SOS1: variants seen among roughly 807,000 people sequenced by gnomAD.
SOS1 encodes the protein son of sevenless homolog 1.
In SOS1, 25 loss-of-function variants were observed where a neutral mutation model predicts 157.6. The ratio of observed to expected loss-of-function variants is 0.16; its 90% CI spans 0.12 to 0.22. The LOEUF (loss-of-function observed/expected upper bound fraction) is 0.22. Ranked by LOEUF, SOS1 falls within the 10% of genes least tolerant of loss-of-function variation. The probability of loss-of-function intolerance (pLI) is 1.00; values close to 1 mark genes in which losing one functional copy is unlikely to be tolerated. For synonymous variants in SOS1, 528 were observed against 534.0 expected (o/e 0.99, Z 0.16); for missense variants, 1,237 against 1,599.1 (o/e 0.77, Z 3.86).
chr2:39,120,980 G>GCCGCCGCCGCCA lies in SOS1; in HGVS notation c.-570_-559dup, dbSNP rs1253841842. 44 of 175,918 alleles carry GCCGCCGCCGCCA rather than the reference G, an allele frequency of 2.5e-4. 1 individual carries two copies. The highest frequency in any genetic ancestry group is 5.8e-4 in the Admixed American group (9 of 15,540). 10.9% of individuals were successfully genotyped at this position (175,918 alleles called of 1,614,324 possible). ...CTGGCTGCCCTGAGGTGCCGCCGCG[G>GCCGCCGCCGCCA]CCGCCGCCGCCACCGCCGCCGCCGG... On this transcript the variant is annotated 5_prime_UTR_variant, in exon 1 of 23. Transcript: ENST00000402219.
intron 10 of SOS1, among the ~76,000 whole-genome samples, chr2:39,017,833 C>A (rs1350217726): frequency 6.6e-6 from 1 of 151,836 alleles, no homozygotes; most frequent in Non-Finnish European, 1.5e-5. Flanking sequence ...ATTTTTATTT[C>A]TATTGGATTG....
At chr2:39,021,542 A>T (rs61521176) in intron 10 of SOS1, among the ~76,000 whole-genome samples, 10,502 of 150,292 alleles carry the variant, frequency 0.07, 1,282 homozygotes, top group African/African-American at 0.24. Context: ...AAAAAAAAAA[A>T]AAAAATTAAA....
chr2:39,063,619 T>C (rs2124619935), intron 2 of SOS1, among the ~76,000 whole-genome samples: 1 of 152,286 alleles, frequency 6.6e-6, no homozygotes, highest in African/African-American at 2.4e-5. Context: ...GTAGTACAAT[T>C]TATCAAAACT....
intron 10 of SOS1, among the ~76,000 whole-genome samples, chr2:39,022,128 A>G (rs1669817195): frequency 6.6e-6 from 1 of 151,766 alleles, no homozygotes; most frequent in South Asian, 2.1e-4. Flanking sequence ...CAGGTTTAGG[A>G]GTGGAAACTG....
At chr2:39,036,763 G>A (rs960177859) in intron 6 of SOS1, among the ~76,000 whole-genome samples, 12 of 151,830 alleles carry the variant, frequency 7.9e-5, no homozygotes, top group African/African-American at 2.9e-4. Flanking sequence ...TTTTAGTAGA[G>A]ACAGGGTTTC....
At chr2:39,029,651 C>T (rs1670088845) in intron 8 of SOS1, among the ~76,000 whole-genome samples, 1 of 151,552 alleles carries the variant, frequency 6.6e-6, no homozygotes, top group Admixed American at 6.6e-5. Flanking sequence ...AAAAACAAAA[C>T]CCCAAACACC....
rs888012069 is a variant in SOS1, at chr2:38,982,095, G to C, written c.*3729C>G. 1.3e-5 allele frequency: 2 copies of C among 152,132 alleles called. No individual in the cohort carries two copies. Among genetic ancestry groups the C allele is most frequent in the Non-Finnish European group, 2.9e-5 (2 of 68,022 alleles). 9.4% of individuals were successfully genotyped at this position (152,132 alleles called of 1,614,324 possible). A position where few individuals can be genotyped will look rare whatever the true frequency, so the allele number is the denominator to read the frequency against. ...ATGCATCTTGTTTCTTTGAGTGGTA[G>C]TCCAATGTGACCCACTGTTAGCTAA... is the stretch of plus-strand genomic sequence containing the variant. On this transcript the variant is annotated 3_prime_UTR_variant, in exon 23 of 23. Transcript: ENST00000402219.
chr2:39,049,253 T>C (rs1287181148), intron 6 of SOS1, among the ~76,000 whole-genome samples: 3 of 152,196 alleles, frequency 2.0e-5, no homozygotes, highest in Non-Finnish European at 4.4e-5. Flanking sequence ...TCATATTTCT[T>C]ATCTTGGTCT....
At chr2:39,103,570 G>A (rs1179981636) in intron 1 of SOS1, among the ~76,000 whole-genome samples, 1 of 152,302 alleles carries the variant, frequency 6.6e-6, no homozygotes, top group Admixed American at 6.5e-5. Flanking sequence ...AAATGGTGCT[G>A]GGACAACTGG....
chr2:39,050,668 T>G (rs1670979727), intron 6 of SOS1, among the ~76,000 whole-genome samples: 2 of 152,192 alleles, frequency 1.3e-5, no homozygotes, highest in South Asian at 4.1e-4. Context: ...GAGCATTTCA[T>G]ATTTGGGATT....
At chr2:38,991,469 A>G (rs572821544) in intron 20 of SOS1, among the ~76,000 whole-genome samples, 1 of 152,324 alleles carries the variant, frequency 6.6e-6, no homozygotes, top group African/African-American at 2.4e-5. Flanking sequence ...CAGGAAGGTA[A>G]AAAGAGCATT....
intron 6 of SOS1, among the ~76,000 whole-genome samples, chr2:39,042,269 C>CT (rs1433267415): frequency 6.6e-6 from 1 of 152,128 alleles, no homozygotes. Context: ...TTAGGATCAG[C>CT]TTGCTATGCA....
Position 38,985,333 on chromosome 2 carries a change from C to T in SOS1, c.*491G>A, listed in dbSNP as rs1668521257. ...GGTCAGGTACCACAGCCTTTCCTCA[C>T]AGTCCTTTGAGTGATTTTTAAGAAA... is the stretch of plus-strand genomic sequence containing the variant. On this transcript the variant is annotated 3_prime_UTR_variant, in exon 23 of 23. Transcript: ENST00000402219. 5.4e-6 allele frequency: 1 copy of T among 185,360 alleles called. No homozygotes were observed. Among genetic ancestry groups the T allele is most frequent in the Non-Finnish European group, 1.1e-5 (1 of 87,652 alleles). The allele number at this position is 185,360 out of a possible 1,614,324, so 11.5% of individuals were successfully genotyped here.
chr2:39,074,293 T>A (rs1381376512), intron 1 of SOS1, among the ~76,000 whole-genome samples: 1 of 146,716 alleles, frequency 6.8e-6, no homozygotes, highest in African/African-American at 2.5e-5. Context: ...GAGGCTGCAG[T>A]GAGCTGAGAT....
chr2:39,004,309 C>T (rs1669212595), intron 17 of SOS1, among the ~76,000 whole-genome samples: 1 of 145,352 alleles, frequency 6.9e-6, no homozygotes, highest in African/African-American at 2.6e-5. Flanking sequence ...GTCCCAGCTA[C>T]TTGGGAGGCT....
intron 10 of SOS1, 29 bp downstream of exon 10, chr2:39,022,539 CAA>C (rs752393346): frequency 6.3e-7 from 1 of 1,583,646 alleles, no homozygotes; most frequent in African/African-American, 1.3e-5. Context: ...AGCAGGAAAA[CAA>C]AAGTGACAGG....
At chr2:39,096,419 T>C (rs1286595289) in intron 1 of SOS1, among the ~76,000 whole-genome samples, 2 of 152,242 alleles carry the variant, frequency 1.3e-5, no homozygotes, top group African/African-American at 4.8e-5. Flanking sequence ...ATAAAAGAGA[T>C]GCCTATGAGA....
intron 17 of SOS1, among the ~76,000 whole-genome samples, chr2:39,000,422 G>A (rs768145959): frequency 8.0e-5 from 12 of 150,734 alleles, no homozygotes; most frequent in Non-Finnish European, 1.8e-4. Context: ...TAAAGCTTAG[G>A]TTTTTTTTTC....
chr2:39,061,710 C>T (rs62142807), intron 2 of SOS1, among the ~76,000 whole-genome samples: 1 of 151,962 alleles, frequency 6.6e-6, no homozygotes, highest in Non-Finnish European at 1.5e-5. Context: ...TAAAAAGAAG[C>T]CCAAGGAGGA....
Sources: allele counts gnomAD v4.1 joint callset (sites outside exome capture counted in the v4.1 genomes callset), GRCh38; gene constraint gnomAD v4.1.1; transcripts MANE v1.5; gene names NCBI Gene and HGNC (gene_info 2026-07-23, HGNC 2026-07-21).